Variants in CASK observed in about 807,000 individuals in gnomAD.
The protein encoded by CASK is peripheral plasma membrane protein CASK.
In CASK, 4 loss-of-function variants were observed where a neutral mutation model predicts 82.9. The ratio of observed to expected loss-of-function variants is 0.05; its 90% CI spans 0.02 to 0.11. The LOEUF (loss-of-function observed/expected upper bound fraction) is 0.11. CASK is among the 10% of genes least tolerant of loss of function. CASK has a pLI of 1.00. For missense variants in CASK, 358 were observed against 720.9 expected (o/e 0.50, Z 5.76); for synonymous variants, 259 against 253.5 (o/e 1.02, Z -0.20).
chrX:41,729,234 C>G (rs1002155560), intron 5 of CASK: 2 of 122,917 alleles, frequency 1.6e-5, no homozygotes, highest in Non-Finnish European at 3.8e-5. Context: ...ATCCTCTGTA[C>G]GTGTTAATTT....
At chrX:41,777,015 C>A (rs944990027) in intron 3 of CASK, among the ~76,000 whole-genome samples, 3 of 111,888 alleles carry the variant, frequency 2.7e-5, no homozygotes, top group Non-Finnish European at 5.6e-5. Context: ...GTGGAAGGAT[C>A]TGCTCTACAA....
At chrX:41,531,346 A>AC (rs1285984190) in intron 24 of CASK, 137 bp from the exon 25 acceptor site, 5 of 543,449 alleles carry the variant, frequency 9.2e-6, no homozygotes, top group Non-Finnish European at 1.6e-5. Context: ...CCCTGTTCTC[A>AC]CCCCCAGTGG....
chrX:41,597,132 T>C (rs2065833348), intron 12 of CASK, among the ~76,000 whole-genome samples: 1 of 112,430 alleles, frequency 8.9e-6, no homozygotes, highest in Admixed American at 9.5e-5. Context: ...TCATAGTTTA[T>C]GTGCAGTATT....
chrX:41,766,141 CT>C (rs2069110852), intron 3 of CASK, among the ~76,000 whole-genome samples: 1 of 111,992 alleles, frequency 8.9e-6, no homozygotes, highest in Admixed American at 9.4e-5. Flanking sequence ...CTATATCAAG[CT>C]TGTGGCAAAA....
chrX:41,564,537 C>T (rs911990159), intron 16 of CASK, among the ~76,000 whole-genome samples: 2 of 111,172 alleles, frequency 1.8e-5, no homozygotes, highest in Admixed American at 9.6e-5. Context: ...CTTTAGATTC[C>T]GTTTAAAAAC....
At chrX:41,822,149 A>G (rs907301452) in intron 2 of CASK, among the ~76,000 whole-genome samples, 3 of 112,748 alleles carry the variant, frequency 2.7e-5, no homozygotes, top group African/African-American at 9.7e-5. Context: ...AAATTAGAGC[A>G]GGCACTGACT....
intron 1 of CASK, among the ~76,000 whole-genome samples, chrX:41,892,069 T>C (rs1052919205): frequency 9.1e-6 from 1 of 110,116 alleles, no homozygotes; most frequent in Non-Finnish European, 1.9e-5. Context: ...GGCACATACC[T>C]GTAGTCCCAG....
At position 41,516,544 on chromosome X, in the gene CASK, G is replaced by A. The variant is rs1467372426; in HGVS notation, c.*3876C>T. 4 of 112,380 alleles carry A rather than the reference G, an allele frequency of 3.6e-5. No homozygotes were observed. Among genetic ancestry groups the A allele is most frequent in the Non-Finnish European group, 7.5e-5 (4 of 53,320 alleles). 9.3% of individuals were successfully genotyped at this position (112,380 alleles called of 1,213,427 possible). ...TAGAGGCGCAGAACAAGAAAGCCACGCTCAGGGACCTTTAACTTATTACAG... is the reference window on the plus strand; with the variant it reads ...TAGAGGCGCAGAACAAGAAAGCCACACTCAGGGACCTTTAACTTATTACAG... On this transcript the variant is annotated 3_prime_UTR_variant, in exon 27 of 27. Coordinates refer to ENST00000378163, the MANE Select transcript of CASK (RefSeq NM_001367721.1).
intron 1 of CASK, among the ~76,000 whole-genome samples, chrX:41,865,226 T>C (rs963191700): frequency 1.8e-5 from 2 of 111,743 alleles, no homozygotes; most frequent in Non-Finnish European, 3.8e-5. Flanking sequence ...CAAGAGAGCA[T>C]GGAAGACAAG....
intron 5 of CASK, among the ~76,000 whole-genome samples, chrX:41,722,392 C>T (rs925929059): frequency 3.6e-5 from 4 of 112,518 alleles, no homozygotes; most frequent in Non-Finnish European, 7.5e-5. Flanking sequence ...AAAGGCATTG[C>T]AGCTATGGAC....
intron 2 of CASK, among the ~76,000 whole-genome samples, chrX:41,829,857 C>CCACTTTACAACTGT (rs1354068244): frequency 1.0e-5 from 1 of 97,248 alleles, no homozygotes; most frequent in African/African-American, 3.7e-5. Context: ...ATTCTCACTG[C>CCACTTTACAACTGT]CACTTTACAA....
intron 1 of CASK, among the ~76,000 whole-genome samples, chrX:41,880,396 C>T (rs889996995): frequency 6.3e-5 from 7 of 111,569 alleles, no homozygotes; most frequent in Non-Finnish European, 1.9e-5. Context: ...TTCCAAAATA[C>T]CCAGAGACTT....
At chrX:41,861,855 ATATAG>A (rs1318326877) in intron 1 of CASK, among the ~76,000 whole-genome samples, 1 of 102,559 alleles carries the variant, frequency 9.8e-6, no homozygotes, top group South Asian at 3.9e-4. Flanking sequence ...TACATATAAT[ATATAG>A]TATAATATAC....
chrX:41,783,737 T>C (rs771002995), intron 3 of CASK, among the ~76,000 whole-genome samples: 21 of 111,475 alleles, frequency 1.9e-4, no homozygotes, highest in Non-Finnish European at 3.4e-4. Context: ...GTAAGTTTAA[T>C]CATCAAAAAG....
At chrX:41,532,693 A>G (rs1323128002) in intron 24 of CASK, among the ~76,000 whole-genome samples, 1 of 111,213 alleles carries the variant, frequency 9.0e-6, no homozygotes, top group Non-Finnish European at 1.9e-5. Flanking sequence ...CTAATGGGGA[A>G]TCCCCCTTTC....
intron 6 of CASK, among the ~76,000 whole-genome samples, chrX:41,667,367 ACTT>A (rs897920669): frequency 9.8e-5 from 11 of 111,820 alleles, no homozygotes; most frequent in East Asian, 2.8e-4. Context: ...TTTTGCTGAT[ACTT>A]CTTCTTGACT....
At chrX:41,835,974 C>A (rs2070919185) in intron 2 of CASK, among the ~76,000 whole-genome samples, 1 of 111,587 alleles carries the variant, frequency 9.0e-6, no homozygotes, top group Non-Finnish European at 1.9e-5. Flanking sequence ...CAAAATTAAT[C>A]ATTAAGAAAC....
chrX:41,796,030 C>A (rs2069844058), intron 2 of CASK, among the ~76,000 whole-genome samples: 1 of 111,658 alleles, frequency 9.0e-6, no homozygotes, highest in Non-Finnish European at 1.9e-5. Flanking sequence ...GGTTGAAAGT[C>A]CTGGGTTCTG....
chrX:41,910,518 C>T (rs1220267180), intron 1 of CASK, among the ~76,000 whole-genome samples: 4 of 111,650 alleles, frequency 3.6e-5, no homozygotes, highest in East Asian at 2.8e-4. Context: ...GTGTCTTTAT[C>T]GGGGAAAATA....
Sources: gnomAD v4.1 joint callset for allele counts (sites outside exome capture counted in the v4.1 genomes callset) on GRCh38, gnomAD v4.1.1 for gene constraint, MANE v1.5 for transcripts, NCBI Gene and HGNC (gene_info 2026-07-23, HGNC 2026-07-21) for gene names.